The following DHX57 variants were observed in gnomAD, a reference collection of about 807,000 sequenced individuals.
The protein encoded by DHX57 is DExH-box helicase 57, also known as putative ATP-dependent RNA helicase DHX57.
In DHX57, 105 loss-of-function variants were observed where a neutral mutation model predicts 156.2. The ratio of observed to expected loss-of-function variants is 0.67; its 90% CI spans 0.57 to 0.79. The LOEUF is 0.79. DHX57 is among the 30% of genes least tolerant of loss of function. DHX57 has a pLI of 0.00. For synonymous variants in DHX57, 704 were observed against 595.6 expected, an observed-to-expected ratio of 1.18 and a Z score of -2.65; for missense variants, 1,847 against 1,661.9, an observed-to-expected ratio of 1.11 and a Z score of -1.94.
At chr2:38,840,538 A>G (rs1353834220) in intron 12 of DHX57, among the ~76,000 whole-genome samples, 1 of 151,318 alleles carries the variant, frequency 6.6e-6, no homozygotes, top group Non-Finnish European at 1.5e-5. Flanking sequence ...GTGCCACCAC[A>G]CCTGGCTAAT....
intron 21 of DHX57, among the ~76,000 whole-genome samples, chr2:38,808,271 C>A (rs1670062854): frequency 6.6e-6 from 1 of 151,984 alleles, no homozygotes; most frequent in South Asian, 2.1e-4. Context: ...TCATTTTAAT[C>A]TTCTCTTCCA....
intron 12 of DHX57, among the ~76,000 whole-genome samples, chr2:38,839,973 G>T (rs575772947): frequency 1.3e-5 from 2 of 152,228 alleles, no homozygotes; most frequent in South Asian, 2.1e-4. Context: ...TTGAGACAGG[G>T]TCTCACTCTT....
rs529991105 is a variant in DHX57, at chr2:38,854,064, T to C, written c.2020A>G (p.Thr674Ala). The C allele has an allele frequency of 6.2e-6, 10 of 1,611,300 alleles. No individual in the cohort carries two copies. In the East Asian group the frequency reaches 2.0e-4, roughly 32 times the overall value. ...AAGTCTTTGTTTTACCTTTCTTCTG[T>C]CCTCTCATGAACTTCATCAACAATG... ...HIIVDEVHER[T>A]EESDFLLLVL... The change falls in exon 9 of 24, where the codon ACA becomes GCA. Residue 674 changes from threonine to alanine, a missense_variant. Physicochemically the swap from Thr to Ala is moderately conservative, Grantham distance 58. Transcript: ENST00000457308.
chr2:38,829,649 G>A (rs1378729858), intron 13 of DHX57, among the ~76,000 whole-genome samples: 1 of 152,044 alleles, frequency 6.6e-6, no homozygotes, highest in Non-Finnish European at 1.5e-5. Flanking sequence ...GAACTCTTGA[G>A]CCCAAGCAAT....
At chr2:38,818,284 T>C (rs955529217) in intron 19 of DHX57, among the ~76,000 whole-genome samples, 4 of 152,154 alleles carry the variant, frequency 2.6e-5, no homozygotes, top group Non-Finnish European at 4.4e-5. Flanking sequence ...CCCAGCACTT[T>C]GGGTGGCCAA....
At chr2:38,834,981 C>G (rs1279795341) in intron 13 of DHX57, among the ~76,000 whole-genome samples, 1 of 151,970 alleles carries the variant, frequency 6.6e-6, no homozygotes, top group Admixed American at 6.6e-5. Flanking sequence ...TTAAAGCAAA[C>G]GGAAGGGAAG....
At chr2:38,850,724 G>T (rs1333821139) in intron 9 of DHX57, among the ~76,000 whole-genome samples, 1 of 152,044 alleles carries the variant, frequency 6.6e-6, no homozygotes, top group Non-Finnish European at 1.5e-5. Flanking sequence ...CAGGCAAATG[G>T]TTAAGTAATT....
At chr2:38,851,845 C>A (rs1297624435) in intron 9 of DHX57, among the ~76,000 whole-genome samples, 1 of 152,132 alleles carries the variant, frequency 6.6e-6, no homozygotes, top group Non-Finnish European at 1.5e-5. Flanking sequence ...TTGGCTTCCT[C>A]TTCCAAGTTG....
Position 38,848,347 on chromosome 2 carries a change from C to A in DHX57, c.2086G>T (p.Val696Phe), listed in dbSNP as rs768026917. The change falls in exon 10 of 24, where the codon GTT becomes TTT. Residue 696 changes from valine (V) to phenylalanine (F), a missense_variant. Val to Phe is a conservative substitution (Grantham distance 50). Coordinates refer to ENST00000457308, the MANE Select transcript of DHX57 (RefSeq NM_198963.3). ...DIVSQRPGLQ[V>F]ILMSATLNAE... ...TTTAGAGTTGCACTCATTAAAATAACTTGAAGACCTGGCCTCTGCGATACA... is the reference window on the plus strand; with the variant it reads ...TTTAGAGTTGCACTCATTAAAATAAATTGAAGACCTGGCCTCTGCGATACA... The A allele has an allele frequency of 3.6e-5, 58 of 1,612,328 alleles. No individual in the cohort carries two copies. The highest frequency in any genetic ancestry group is 4.5e-5 in the Non-Finnish European group (53 of 1,179,308).
At chr2:38,832,769 T>C (rs1379397708) in intron 13 of DHX57, among the ~76,000 whole-genome samples, 7 of 151,666 alleles carry the variant, frequency 4.6e-5, no homozygotes, top group Admixed American at 3.9e-4. Context: ...AACTCCTGAC[T>C]TTAGGTGATC....
intron 22 of DHX57, chr2:38,803,141 T>G: frequency 2.3e-5 from 12 of 523,664 alleles, no homozygotes; most frequent in East Asian, 3.5e-5. Flanking sequence ...AAAAAGCTTT[T>G]ATTTTTTAAA....
chr2:38,813,815 T>C lies in DHX57; in HGVS notation c.3681+6A>G, dbSNP rs1417113453. 1 of 1,613,570 alleles carries C rather than the reference T, an allele frequency of 6.2e-7. No homozygotes were observed. Among genetic ancestry groups the C allele is most frequent in the Admixed American group, 1.7e-5 (1 of 60,006 alleles). On this transcript the variant is annotated splice_donor_region_variant and intron_variant, in intron 21 of 23. Transcript: ENST00000457308. Reference sequence around the variant, plus strand: ...ATGGAAAGATCTAGGAAAAATGTTTTGTTACCTGCACTACATTTGGATACA... The same window carrying C: ...ATGGAAAGATCTAGGAAAAATGTTTCGTTACCTGCACTACATTTGGATACA...
At position 38,802,708 on chromosome 2, in the gene DHX57, C is replaced by T. The variant is rs746206116; in HGVS notation, c.4017+7G>A. On this transcript the variant is annotated splice_region_variant and intron_variant, in intron 23 of 23. Transcript: ENST00000457308. The stretch of plus-strand genomic sequence containing the variant: ...AGCCTCATAAAACAGACCAATTCTG[C>T]CTTTACCTGATGGGAAGCAGCTACA... 43 of 1,613,670 alleles carry T rather than the reference C, an allele frequency of 2.7e-5. No individual in the cohort carries two copies. The highest frequency in any genetic ancestry group is 3.3e-5 in the Non-Finnish European group (39 of 1,179,998).
In DHX57 at chr2:38,826,673, G is replaced by A. The variant is rs1671103211; in HGVS notation, c.2656C>T (p.Leu886Phe). The change falls in exon 15 of 24, where the codon CTT becomes TTT. Residue 886 changes from leucine (L) to phenylalanine (F), a missense_variant. Physicochemically the swap from Leu to Phe is conservative, Grantham distance 22 (BLOSUM62 0). Transcript: ENST00000457308. ...RRSNRCVIHP[L>F]HSSLSSEEQQ... ...TCTTCACTGGATAAAGATGAATGAA[G>A]TGGGTGAATAACACATCTGGAAGGA... The A allele has an allele frequency of 1.2e-6, 2 of 1,614,060 alleles. No individual in the cohort carries two copies. Among genetic ancestry groups the A allele is most frequent in the Non-Finnish European group, 1.7e-6 (2 of 1,179,954 alleles).
intron 2 of DHX57, among the ~76,000 whole-genome samples, chr2:38,867,621 T>C (rs574696985): frequency 5.3e-5 from 8 of 152,270 alleles, no homozygotes; most frequent in Admixed American, 3.9e-4. Context: ...TGCAGTGGTG[T>C]GATCTCAGCT....
At chr2:38,869,442 G>A (rs573588551) in intron 1 of DHX57, among the ~76,000 whole-genome samples, 1 of 152,316 alleles carries the variant, frequency 6.6e-6, no homozygotes, top group African/African-American at 2.4e-5. Context: ...TCACTAGGAA[G>A]TTCCTTTTTG....
chr2:38,806,411 C>A (rs1379861390), intron 22 of DHX57, 148 bp downstream of exon 22: 10 of 846,182 alleles, frequency 1.2e-5, no homozygotes, highest in Non-Finnish European at 1.7e-5. Context: ...GTCCAATTTC[C>A]AGTCTGTTTA....
At chr2:38,855,497 C>A (rs528006203) in intron 7 of DHX57, among the ~76,000 whole-genome samples, 2 of 152,228 alleles carry the variant, frequency 1.3e-5, no homozygotes, top group Admixed American at 1.3e-4. Flanking sequence ...GACTATTGAA[C>A]AGACATTAAA....
At chr2:38,803,460 C>G (rs1000085753) in intron 22 of DHX57, among the ~76,000 whole-genome samples, 4 of 151,282 alleles carry the variant, frequency 2.6e-5, no homozygotes, top group African/African-American at 9.7e-5. Context: ...AATGCCTTGA[C>G]ATATTCTCAC....
Sources: allele counts gnomAD v4.1 joint callset (sites outside exome capture counted in the v4.1 genomes callset), GRCh38; gene constraint gnomAD v4.1.1; transcripts MANE v1.5; gene names NCBI Gene and HGNC (gene_info 2026-07-23, HGNC 2026-07-21).